ANKRD12: variants seen among roughly 807,000 people sequenced by gnomAD.
The protein encoded by ANKRD12 is ankyrin repeat domain-containing protein 12.
A neutral mutation model predicts 183.4 loss-of-function variants in ANKRD12; 85 were observed. That is an observed-to-expected ratio of 0.46 (90% CI 0.39 to 0.56). The LOEUF (loss-of-function observed/expected upper bound fraction) is 0.56, where lower values mean the gene tolerates loss of function less well. Among genes scored for constraint, ANKRD12 ranks in the 20% least tolerant of loss-of-function variants. ANKRD12 has a pLI of 0.00. For missense variants in ANKRD12, 2,405 were observed against 2,357.1 expected, an observed-to-expected ratio of 1.02 and a Z score of -0.42; for synonymous variants, 914 against 800.2, an observed-to-expected ratio of 1.14 and a Z score of -2.40.
intron 5 of ANKRD12, among the ~76,000 whole-genome samples, chr18:9,211,054 C>T (rs2035777155): frequency 6.6e-6 from 1 of 151,712 alleles, no homozygotes; most frequent in Non-Finnish European, 1.5e-5. Flanking sequence ...ATATGAGAAT[C>T]AAGGCAAAGC....
chr18:9,146,689 T>C (rs1328956344), intron 1 of ANKRD12, among the ~76,000 whole-genome samples: 8 of 152,232 alleles, frequency 5.3e-5, no homozygotes, highest in African/African-American at 1.9e-4. Context: ...CTCATCAACA[T>C]GCTTTGGCAG....
chr18:9,215,525 A>G (rs1164717320), intron 6 of ANKRD12, among the ~76,000 whole-genome samples: 2 of 152,154 alleles, frequency 1.3e-5, no homozygotes, highest in East Asian at 3.8e-4. Flanking sequence ...GTGTACAAAC[A>G]TGGTGTTTCT....
intron 1 of ANKRD12, among the ~76,000 whole-genome samples, chr18:9,153,571 A>G (rs1375657627): frequency 6.6e-6 from 1 of 152,206 alleles, no homozygotes; most frequent in East Asian, 1.9e-4. Context: ...ATTCCAGACA[A>G]TTTAATCTGA....
In ANKRD12 at chr18:9,257,795, T is replaced by G. The variant is rs1053691406; in HGVS notation, c.4528T>G (p.Ser1510Ala). 6.2e-7 allele frequency: 1 copy of G among 1,613,916 alleles called. No individual in the cohort carries two copies. The highest frequency in any genetic ancestry group is 1.1e-5 in the South Asian group (1 of 91,070). ...TGCTGAATCGATTTCTAAACATATG[T>G]CTTTGTCATATGTTGCTAATCAAGA... ...SDAESISKHM[S>A]LSYVANQEPG... Residue 1510 changes from serine to alanine, a missense_variant, in exon 9 of 13, where the codon TCT becomes GCT. Transcript: ENST00000262126.
chr18:9,189,599 A>C (rs958171155), intron 2 of ANKRD12, among the ~76,000 whole-genome samples: 2 of 152,228 alleles, frequency 1.3e-5, no homozygotes, highest in Non-Finnish European at 2.9e-5. Flanking sequence ...GCAGCTGACA[A>C]CTATTAAGTT....
In ANKRD12 at chr18:9,256,574, A is replaced by T. The variant is rs1472287112; in HGVS notation, c.3307A>T (p.Lys1103Ter). The T allele has an allele frequency of 6.3e-7, 1 of 1,595,668 alleles. No individual in the cohort carries two copies. Among genetic ancestry groups the T allele is most frequent in the Non-Finnish European group, 8.5e-7 (1 of 1,175,750 alleles). The change falls in exon 9 of 13, where the codon AAG (lysine) becomes TAG (stop). Residue 1103 changes from lysine to a stop codon, truncating the protein, a stop_gained. Coordinates refer to ENST00000262126, the MANE Select transcript of ANKRD12 (RefSeq NM_015208.5). LOFTEE classifies it high-confidence loss of function. The stretch of plus-strand genomic sequence containing the variant: ...GCACAAAAAACATAAGGAAAAAATT[A>T]AGCAAAAAGAAAAGGAACGGTTGAG... ...QWHKKHKEKIKQKEKERLRNR... is the reference protein window; with the variant it reads ...QWHKKHKEKI
chr18:9,223,598 G>T (rs2036544985), intron 8 of ANKRD12, among the ~76,000 whole-genome samples: 1 of 152,074 alleles, frequency 6.6e-6, no homozygotes, highest in Non-Finnish European at 1.5e-5. Context: ...ACAAAGCAAA[G>T]ATAAAAGTGT....
At chr18:9,192,363 A>G (rs2034504906) in intron 2 of ANKRD12, among the ~76,000 whole-genome samples, 1 of 152,196 alleles carries the variant, frequency 6.6e-6, no homozygotes, top group Non-Finnish European at 1.5e-5. Context: ...GTTTTCTATC[A>G]GTGAACTGTC....
intron 1 of ANKRD12, among the ~76,000 whole-genome samples, chr18:9,141,583 A>G (rs1320751489): frequency 1.3e-5 from 2 of 152,226 alleles, no homozygotes; most frequent in East Asian, 1.9e-4. Flanking sequence ...CTTCCAACTT[A>G]AAGGAGGTAG....
At chr18:9,218,578 T>C (rs759022990) in intron 7 of ANKRD12, among the ~76,000 whole-genome samples, 1 of 152,176 alleles carries the variant, frequency 6.6e-6, no homozygotes, top group Non-Finnish European at 1.5e-5. Context: ...ATCTAAATTA[T>C]TATAGAGAGG....
chr18:9,234,568 A>T (rs2144910662), intron 8 of ANKRD12, among the ~76,000 whole-genome samples: 1 of 152,246 alleles, frequency 6.6e-6, no homozygotes, highest in Non-Finnish European at 1.5e-5. Context: ...GGTCCAGCCA[A>T]CACTGTGCCA....
At chr18:9,184,185 TC>T (rs1425589759) in intron 2 of ANKRD12, among the ~76,000 whole-genome samples, 5 of 152,238 alleles carry the variant, frequency 3.3e-5, no homozygotes, top group Non-Finnish European at 7.3e-5. Context: ...CAAAATGTTA[TC>T]TTTTAAAGAA....
At chr18:9,142,213 A>G (rs900438335) in intron 1 of ANKRD12, among the ~76,000 whole-genome samples, 18 of 152,348 alleles carry the variant, frequency 1.2e-4, no homozygotes, top group African/African-American at 3.6e-4. Context: ...TTCTGCCTAG[A>G]AATAGCTATA....
chr18:9,158,333 T>C (rs1297967274), intron 1 of ANKRD12, among the ~76,000 whole-genome samples: 1 of 152,190 alleles, frequency 6.6e-6, no homozygotes, highest in Non-Finnish European at 1.5e-5. Context: ...TGAATGTCCT[T>C]TTTCTGTTCC....
intron 9 of ANKRD12, among the ~76,000 whole-genome samples, chr18:9,261,931 A>G (rs1025848800): frequency 2.0e-5 from 3 of 152,208 alleles, no homozygotes; most frequent in Non-Finnish European, 2.9e-5. Context: ...TGGTTTTCCA[A>G]AACTAAAACA....
chr18:9,188,552 C>T (rs994311834), intron 2 of ANKRD12, among the ~76,000 whole-genome samples: 3 of 152,206 alleles, frequency 2.0e-5, no homozygotes, highest in African/African-American at 7.2e-5. Context: ...TTTTGGTTTA[C>T]AGGCATACCT....
chr18:9,140,675 A>T (rs951181308), intron 1 of ANKRD12, among the ~76,000 whole-genome samples: 3 of 152,190 alleles, frequency 2.0e-5, no homozygotes, highest in African/African-American at 7.2e-5. Flanking sequence ...TATCTGGTAT[A>T]TCTGAAATAT....
At chr18:9,237,874 T>TA (rs533983267) in intron 8 of ANKRD12, among the ~76,000 whole-genome samples, 17 of 152,140 alleles carry the variant, frequency 1.1e-4, no homozygotes, top group Non-Finnish European at 2.5e-4. Flanking sequence ...TTTTTACACA[T>TA]ATATTTACAA....
At chr18:9,210,911 T>C (rs2035767817) in intron 5 of ANKRD12, among the ~76,000 whole-genome samples, 1 of 152,060 alleles carries the variant, frequency 6.6e-6, no homozygotes, top group Admixed American at 6.6e-5. Context: ...ATTAACACTG[T>C]ATATATGTCT....
Sources: allele counts gnomAD v4.1 joint callset (sites outside exome capture counted in the v4.1 genomes callset), GRCh38; gene constraint gnomAD v4.1.1; transcripts MANE v1.5; gene names NCBI Gene and HGNC (gene_info 2026-07-23, HGNC 2026-07-21).